EPHA8: variants seen among roughly 807,000 people sequenced by gnomAD.
EPHA8 encodes EPH receptor A8, also known as ephrin type-A receptor 8.
A neutral mutation model predicts 103.6 loss-of-function variants in EPHA8; 58 were observed. The observed-to-expected ratio is 0.56, with a 90% CI of 0.45 to 0.70. EPHA8 has a LOEUF of 0.70. Ranked by LOEUF, EPHA8 falls within the 30% of genes least tolerant of loss-of-function variation. EPHA8 has a pLI of 0.00. For synonymous variants in EPHA8, 559 were observed against 572.5 expected (o/e 0.98, Z 0.34); for missense variants, 1,304 against 1,395.2 (o/e 0.93, Z 1.04).
In EPHA8 at chr1:22,597,043, A is replaced by G. The variant is rs115108929; in HGVS notation, c.1766-269A>G. ...CCCTACTCCAGAACAATTTAGAAAG[A>G]TCTCAAGGACTGTAAAAGTGACCCC... On this transcript the variant is annotated intron_variant, in intron 9 of 16. Transcript: ENST00000166244. The surrounding 1 kb of genome is among the most constrained non-coding windows in gnomAD (Gnocchi z 4.6). Among the ~76,000 whole-genome samples, 3,014 of 152,232 alleles carry G rather than the reference A, an allele frequency of 0.02. 108 individuals carry two copies. The highest frequency in any genetic ancestry group is 0.068 in the African/African-American group (2,843 of 41,520).
rs199647303 is a variant in EPHA8 at position 22,578,193 on chromosome 1, T to A, written c.823+1313T>A. Among the ~76,000 whole-genome samples the A allele has an allele frequency of 4.7e-3, 466 of 98,178 alleles. 3 individuals carry two copies. The highest frequency in any genetic ancestry group is 0.017 in the African/African-American group (437 of 25,850). 64.4% of individuals were successfully genotyped at this position (98,178 alleles called of 152,430 possible). A position where few individuals can be genotyped will look rare whatever the true frequency, so the allele number is the denominator to read the frequency against. ...ATGTGTGCATGTGTGTGCGTGCATG[T>A]GTGTGCGTGCGAGTGTGTGCGTGTG... On this transcript the variant is annotated intron_variant, in intron 3 of 16. Coordinates refer to ENST00000166244, the MANE Select transcript of EPHA8 (RefSeq NM_020526.5).
chr1:22,566,746 G>T (rs1261180118), intron 1 of EPHA8, among the ~76,000 whole-genome samples: 1 of 152,154 alleles, frequency 6.6e-6, no homozygotes, highest in Non-Finnish European at 1.5e-5. Context: ...GGGGACCCAG[G>T]CCCAGGCTGG....
At chr1:22,579,237 ATG>A (rs1054189596) in intron 3 of EPHA8, among the ~76,000 whole-genome samples, 38 of 150,116 alleles carry the variant, frequency 2.5e-4, no homozygotes, top group South Asian at 8.5e-4. Flanking sequence ...ATGTGTGTGC[ATG>A]TGAGTATATG....
At chr1:22,586,756 CTT>C in intron 4 of EPHA8, 121 bp downstream of exon 4, 1 of 1,293,154 alleles carries the variant, frequency 7.7e-7, no homozygotes, top group Non-Finnish European at 1.1e-6. Context: ...GGGTGGCTCT[CTT>C]GAGCCAGAGG....
intron 3 of EPHA8, among the ~76,000 whole-genome samples, chr1:22,578,144 A>AGTGTGCTTG (rs1640815344): frequency 1.5e-5 from 1 of 66,046 alleles, no homozygotes. Flanking sequence ...GCATGTGTGT[A>AGTGTGCTTG]TGTGTGCGTG....
intron 13 of EPHA8, among the ~76,000 whole-genome samples, chr1:22,599,738 G>A (rs1329227555): frequency 3.4e-5 from 1 of 29,374 alleles, no homozygotes; most frequent in African/African-American, 1.8e-4. Context: ...GAAGGAAGGA[G>A]GGAGGGAGGA....
At position 22,576,188 on chromosome 1, in the gene EPHA8, T is replaced by C. The variant is rs1363560978; in HGVS notation, c.160-29T>C. 1.9e-6 allele frequency: 3 copies of C among 1,580,948 alleles called. No individual in the cohort carries two copies. The highest frequency in any genetic ancestry group is 2.7e-5 in the African/African-American group (2 of 74,266). On this transcript the variant is annotated intron_variant, in intron 2 of 16. Transcript: ENST00000166244. The surrounding 1 kb of genome is among the most constrained non-coding windows in gnomAD (Gnocchi z 4.8). ...AAAGAGGGTGAGGTGCTGGCTCTGC[T>C]GTAGTGGCTGTGTTCTCTCTGCCCA...
Position 22,576,116 on chromosome 1 carries a change from CTTT to C in EPHA8, c.160-94_160-92del. 2 of 1,365,112 alleles carry C rather than the reference CTTT, an allele frequency of 1.5e-6. No individual in the cohort carries two copies. 84.6% of individuals were successfully genotyped at this position (1,365,112 alleles called of 1,614,324 possible). A position where few individuals can be genotyped will look rare whatever the true frequency, so the allele number is the denominator to read the frequency against. ...GCCACCAGGAGGCCAGCTCCTTTGTCTTTTTTTTTGCCAGCGTCCCCAGCACAG... is the reference window on the plus strand; with the variant it reads ...GCCACCAGGAGGCCAGCTCCTTTGTCTTTTTTGCCAGCGTCCCCAGCACAG... On this transcript the variant is annotated intron_variant, in intron 2 of 16. Transcript: ENST00000166244. The surrounding 1 kb of genome is among the most constrained non-coding windows in gnomAD (Gnocchi z 4.8).
chr1:22,579,479 TGA>T (rs1640980022), intron 3 of EPHA8, among the ~76,000 whole-genome samples: 1 of 151,530 alleles, frequency 6.6e-6, no homozygotes, highest in Non-Finnish European at 1.5e-5. Flanking sequence ...CATGTATACG[TGA>T]GTGTATGTCT....
At position 22,596,188 on chromosome 1, in the gene EPHA8, C is replaced by T. The variant is rs754451332; in HGVS notation, c.1765+15C>T. 6.2e-7 allele frequency: 1 copy of T among 1,613,030 alleles called. No homozygotes were observed. The highest frequency in any genetic ancestry group is 8.5e-7 in the Non-Finnish European group (1 of 1,179,490). Reference sequence around the variant, plus strand: ...GAATGGACAGGGTGAGTGCAGGGGCCCGGTGGTCTGGGGCAGAGGGAAGGC... The same window carrying T: ...GAATGGACAGGGTGAGTGCAGGGGCTCGGTGGTCTGGGGCAGAGGGAAGGC... On this transcript the variant is annotated intron_variant, in intron 9 of 16. Coordinates refer to ENST00000166244, the MANE Select transcript of EPHA8 (RefSeq NM_020526.5).
intron 2 of EPHA8, among the ~76,000 whole-genome samples, chr1:22,575,492 T>C (rs1487885591): frequency 6.6e-6 from 1 of 152,230 alleles, no homozygotes; most frequent in African/African-American, 2.4e-5. Context: ...TGGATATTAA[T>C]CCCTTATCAG....
At position 22,601,141 on chromosome 1, in the gene EPHA8, C is replaced by T. The variant is rs74061411; in HGVS notation, c.2729+53C>T. On this transcript the variant is annotated intron_variant, in intron 15 of 16. Coordinates refer to ENST00000166244, the MANE Select transcript of EPHA8 (RefSeq NM_020526.5). Reference sequence around the variant, plus strand: ...AGGCCCAGCTGCCTCCCAGTATTGCCCCAGATCTGTCCCTGGGACAGTTTG... The same window carrying T: ...AGGCCCAGCTGCCTCCCAGTATTGCTCCAGATCTGTCCCTGGGACAGTTTG... 6,632 of 1,565,752 alleles carry T rather than the reference C, an allele frequency of 4.2e-3. 204 individuals are homozygous for T. In the African/African-American group the frequency reaches 0.072, roughly 17 times the overall value.
chr1:22,578,435 CGT>C (rs1000162452), intron 3 of EPHA8, among the ~76,000 whole-genome samples: 11 of 62,436 alleles, frequency 1.8e-4, no homozygotes, highest in South Asian at 5.9e-4. Flanking sequence ...CGTATGTGTA[CGT>C]GTGTGCATGT....
chr1:22,579,357 G>T (rs372248727), intron 3 of EPHA8, among the ~76,000 whole-genome samples: 89 of 148,244 alleles, frequency 6.0e-4, no homozygotes, highest in African/African-American at 2.2e-3. Flanking sequence ...ATGTATGCGT[G>T]TGTGTATGTG....
chr1:22,578,591 G>GTGTGTGCA (rs1362727516), intron 3 of EPHA8, among the ~76,000 whole-genome samples: 2 of 142,978 alleles, frequency 1.4e-5, no homozygotes. Flanking sequence ...GCATGAATGC[G>GTGTGTGCA]TGTGTGCATG....
rs145910820 is a variant in EPHA8, at chr1:22,571,835, G to A, written c.159+2482G>A. Among the ~76,000 whole-genome samples the A allele has an allele frequency of 4.3e-3, 654 of 152,134 alleles. 5 individuals are homozygous for A. Among genetic ancestry groups the A allele is most frequent in the African/African-American group, 0.01 (430 of 41,506 alleles). On this transcript the variant is annotated intron_variant, in intron 2 of 16. Coordinates refer to ENST00000166244, the MANE Select transcript of EPHA8 (RefSeq NM_020526.5). ...GAGGCTTGCTTGCGACCAGGAGTTC[G>A]AGACCAGCCTGGGCAACATAGTGAG...
rs2124508086 is a variant in EPHA8, at chr1:22,567,975, C to G, written c.95-1314C>G. On this transcript the variant is annotated intron_variant, in intron 1 of 16. Coordinates refer to ENST00000166244, the MANE Select transcript of EPHA8 (RefSeq NM_020526.5). The surrounding 1 kb of genome is among the most constrained non-coding windows in gnomAD (Gnocchi z 4.2). The stretch of plus-strand genomic sequence containing the variant: ...AAGCAAAGAGGTGAAGGGACTTAAC[C>G]AAGGACACACAGCAGTTAGAGACGG... Among the ~76,000 whole-genome samples the G allele has an allele frequency of 1.3e-5, 2 of 152,320 alleles. No homozygotes were observed. The highest frequency in any genetic ancestry group is 3.9e-4 in the East Asian group (2 of 5,178).
Position 22,598,327 on chromosome 1 carries a change from G to T in EPHA8, c.2178+115G>T. 9.6e-7 allele frequency: 1 copy of T among 1,038,988 alleles called. No individual in the cohort carries two copies. The highest frequency in any genetic ancestry group is 2.4e-5 in the East Asian group (1 of 41,246). 64.4% of individuals were successfully genotyped at this position (1,038,988 alleles called of 1,614,324 possible). A position where few individuals can be genotyped will look rare whatever the true frequency, so the allele number is the denominator to read the frequency against. On this transcript the variant is annotated intron_variant, in intron 12 of 16. Coordinates refer to ENST00000166244, the MANE Select transcript of EPHA8 (RefSeq NM_020526.5). The surrounding 1 kb of genome is among the most constrained non-coding windows in gnomAD (Gnocchi z 5.1). Reference sequence around the variant, plus strand: ...CTCCCTGGCTTGGACACCACAGGCCGGGGGACAGGAGGCAGGTATAGGGAG... The same window carrying T: ...CTCCCTGGCTTGGACACCACAGGCCTGGGGACAGGAGGCAGGTATAGGGAG...
intron 8 of EPHA8, among the ~76,000 whole-genome samples, chr1:22,595,893 C>G (rs1641503271): frequency 6.6e-6 from 1 of 152,214 alleles, no homozygotes; most frequent in Non-Finnish European, 1.5e-5. Context: ...TTTTGAGGAT[C>G]CCACAGTGCT....
Sources: allele counts gnomAD v4.1 joint callset (sites outside exome capture counted in the v4.1 genomes callset), GRCh38; gene constraint gnomAD v4.1.1; non-coding constraint Gnocchi (gnomAD v3.1); transcripts MANE v1.5; gene names NCBI Gene and HGNC (gene_info 2026-07-23, HGNC 2026-07-21).